The following FRAS1 variants were observed in gnomAD, a reference collection of about 807,000 sequenced individuals.
FRAS1 encodes extracellular matrix organizing protein FRAS1.
Under a neutral mutation model 435.2 loss-of-function variants are expected in FRAS1, and 290 were observed. The ratio of observed to expected loss-of-function variants is 0.67; its 90% CI spans 0.61 to 0.73. The LOEUF (loss-of-function observed/expected upper bound fraction) is 0.73, where lower values mean the gene tolerates loss of function less well. Ranked by LOEUF, FRAS1 falls within the 30% of genes least tolerant of loss-of-function variation. The pLI, the probability that FRAS1 is intolerant of heterozygous loss-of-function variation, is 0.00. For synonymous variants in FRAS1, 1,800 were observed against 1,851.0 expected, an observed-to-expected ratio of 0.97 and a Z score of 0.71; for missense variants, 4,860 against 5,001.5, an observed-to-expected ratio of 0.97 and a Z score of 0.85.
intron 38 of FRAS1, among the ~76,000 whole-genome samples, chr4:78,435,443 A>G (rs188043989): frequency 1.4e-3 from 208 of 152,336 alleles, no homozygotes; most frequent in Middle Eastern, 6.8e-3. Context: ...ACTGTAATAT[A>G]AAACAGAGAT....
At chr4:78,310,569 G>C (rs75865577) in intron 15 of FRAS1, among the ~76,000 whole-genome samples, 3 of 152,142 alleles carry the variant, frequency 2.0e-5, no homozygotes, top group Non-Finnish European at 2.9e-5. Context: ...TACTAAACAC[G>C]TCATGTGCTT....
At chr4:78,518,422 G>GTGTGTATATATATATATATA (rs1397809156) in intron 66 of FRAS1, among the ~76,000 whole-genome samples, 2 of 135,730 alleles carry the variant, frequency 1.5e-5, no homozygotes, top group Non-Finnish European at 3.1e-5. Context: ...TTTTTGTTGT[G>GTGTGTATATATATATATATA]TATATATATA....
chr4:78,276,663 C>G (rs978347995), intron 9 of FRAS1, among the ~76,000 whole-genome samples: 1 of 152,204 alleles, frequency 6.6e-6, no homozygotes, highest in African/African-American at 2.4e-5. Flanking sequence ...GCTGCCTGAT[C>G]ATTCCTCTGG....
intron 2 of FRAS1, among the ~76,000 whole-genome samples, chr4:78,115,199 C>A (rs13120423): frequency 0.21 from 30,384 of 147,806 alleles, 3,500 homozygotes; most frequent in Admixed American, 0.27. Context: ...ATGGTGGATA[C>A]GCTTATTGAT....
Position 78,464,477 on chromosome 4 carries a change from T to G in FRAS1, c.6923T>G (p.Val2308Gly), listed in dbSNP as rs746901697. 6.2e-7 allele frequency: 1 copy of G among 1,614,034 alleles called. No homozygotes were observed. The highest frequency in any genetic ancestry group is 1.1e-5 in the South Asian group (1 of 91,086). The change falls in exon 49 of 74, where the codon GTC becomes GGC. Residue 2308 changes from valine (V) to glycine (G), a missense_variant. Coordinates refer to ENST00000512123, the MANE Select transcript of FRAS1 (RefSeq NM_025074.7). The part of the protein sequence containing the change: ...TQTFHITLHP[V>G]DDSLPVVQNL... ...ACTTTCCATATCACTCTTCACCCTG[T>G]CGATGATTCGCTGCCCGTCGTACAG...
chr4:78,225,052 C>T lies in FRAS1; in HGVS notation c.109-12458C>T, dbSNP rs537073930. ...TCCATGCAGGGGTGTACATTGATGA[C>T]CTCTCTGAGAAACAGGTCATATAGG... On this transcript the variant is annotated intron_variant, in intron 2 of 73. Coordinates refer to ENST00000512123, the MANE Select transcript of FRAS1 (RefSeq NM_025074.7). 1.1e-4 allele frequency among the ~76,000 whole-genome samples: 16 copies of T among 152,176 alleles called. No individual in the cohort carries two copies. The South Asian group carries it at 3.3e-3, about 32-fold the overall frequency.
intron 29 of FRAS1, among the ~76,000 whole-genome samples, chr4:78,390,431 G>A (rs1732400291): frequency 6.6e-6 from 1 of 152,206 alleles, no homozygotes; most frequent in Non-Finnish European, 1.5e-5. Context: ...GATACTTAGT[G>A]CTGGAGCTAT....
intron 2 of FRAS1, among the ~76,000 whole-genome samples, chr4:78,083,051 T>C (rs933531673): frequency 6.6e-6 from 1 of 152,128 alleles, no homozygotes; most frequent in Non-Finnish European, 1.5e-5. Flanking sequence ...TATCCTATTC[T>C]TAGGAAAGAA....
intron 67 of FRAS1, 111 bp downstream of exon 67, chr4:78,519,592 G>A (rs897846219): frequency 4.6e-6 from 6 of 1,300,136 alleles, no homozygotes; most frequent in East Asian, 2.4e-5. Flanking sequence ...CTGTTATCCC[G>A]AAGACAAAGT....
chr4:78,387,756 G>T (rs573214345), intron 29 of FRAS1, 55 bp downstream of exon 29: 3 of 1,165,190 alleles, frequency 2.6e-6, no homozygotes, highest in South Asian at 3.9e-5. Context: ...GAACTTCTAC[G>T]GTTGATATTA....
chr4:78,057,901 C>G lies in FRAS1; in HGVS notation c.-109C>G. On this transcript the variant is annotated 5_prime_UTR_variant, in exon 1 of 74. Transcript: ENST00000512123. The surrounding 1 kb of genome is among the most constrained non-coding windows in gnomAD (Gnocchi z 4.2). Reference sequence around the variant, plus strand: ...TTTCCCGGAGGTAAAGGCCCGCGGTCCCCCACCTTCAGTGCGCCCGGGTTC... The same window carrying G: ...TTTCCCGGAGGTAAAGGCCCGCGGTGCCCCACCTTCAGTGCGCCCGGGTTC... 1.0e-6 allele frequency: 1 copy of G among 963,754 alleles called. No homozygotes were observed. The allele number at this position is 963,754 out of a possible 1,614,324, so 59.7% of individuals were successfully genotyped here. A position where few individuals can be genotyped will look rare whatever the true frequency, so the allele number is the denominator to read the frequency against.
At chr4:78,065,935 A>C (rs749112511) in intron 1 of FRAS1, 50 bp from the exon 2 acceptor site, 93 of 1,434,152 alleles carry the variant, frequency 6.5e-5, no homozygotes, top group Admixed American at 4.7e-4. Flanking sequence ...GGCAGTGCCT[A>C]TTGGTTTATT....
chr4:78,324,544 C>A (rs1351846), intron 18 of FRAS1, among the ~76,000 whole-genome samples: 43,080 of 151,846 alleles, frequency 0.28, 6,543 homozygotes, highest in Non-Finnish European at 0.33. Context: ...TGTTGAAAAT[C>A]TTGAAAGTTT....
intron 55 of FRAS1, among the ~76,000 whole-genome samples, chr4:78,478,877 A>C (rs1719929008): frequency 6.6e-6 from 1 of 152,250 alleles, no homozygotes; most frequent in South Asian, 2.1e-4. Context: ...GGGAAGTGGC[A>C]GCCCTAATAA....
intron 2 of FRAS1, among the ~76,000 whole-genome samples, chr4:78,084,278 T>C (rs767931344): frequency 3.3e-5 from 5 of 152,136 alleles, no homozygotes; most frequent in Non-Finnish European, 7.4e-5. Flanking sequence ...TCTCTTACTG[T>C]AATTTGTAAA....
intron 20 of FRAS1, among the ~76,000 whole-genome samples, chr4:78,361,398 G>A (rs1371440938): frequency 6.6e-6 from 1 of 152,236 alleles, no homozygotes; most frequent in African/African-American, 2.4e-5. Context: ...ATCATGAATT[G>A]TTCCTAATAT....
At chr4:78,146,652 T>C (rs1056523281) in intron 2 of FRAS1, among the ~76,000 whole-genome samples, 4 of 152,098 alleles carry the variant, frequency 2.6e-5, no homozygotes, top group African/African-American at 9.7e-5. Flanking sequence ...CTATACTAGA[T>C]ATTTTGAAGC....
chr4:78,501,362 A>G (rs1720675925), intron 61 of FRAS1, among the ~76,000 whole-genome samples: 1 of 152,162 alleles, frequency 6.6e-6, no homozygotes, highest in African/African-American at 2.4e-5. Flanking sequence ...AATCCAGTCT[A>G]TTATTGACGG....
chr4:78,331,330 A>G (rs1729940655), intron 18 of FRAS1, among the ~76,000 whole-genome samples: 1 of 139,692 alleles, frequency 7.2e-6, no homozygotes, highest in Admixed American at 6.9e-5. Context: ...ACCTCAGTTC[A>G]GGAGCAGAGT....
Sources: allele counts gnomAD v4.1 joint callset (sites outside exome capture counted in the v4.1 genomes callset), GRCh38; gene constraint gnomAD v4.1.1; non-coding constraint Gnocchi (gnomAD v3.1); transcripts MANE v1.5; gene names NCBI Gene and HGNC (gene_info 2026-07-23, HGNC 2026-07-21).